Variants in LPP observed in about 807,000 individuals in gnomAD.
The protein encoded by LPP is LIM domain containing preferred translocation partner in lipoma.
A neutral mutation model predicts 60.4 loss-of-function variants in LPP; 38 were observed. That is an observed-to-expected ratio of 0.63 (90% CI 0.49 to 0.83). The LOEUF (loss-of-function observed/expected upper bound fraction) is 0.83, where lower values mean the gene tolerates loss of function less well. Ranked by LOEUF, LPP falls within the 40% of genes least tolerant of loss-of-function variation. The pLI is 0.00. For synonymous variants in LPP, 328 were observed against 290.8 expected, an observed-to-expected ratio of 1.13 and a Z score of -1.30; for missense variants, 902 against 783.6, an observed-to-expected ratio of 1.15 and a Z score of -1.80.
At chr3:188,353,713 A>T (rs1766642140) in intron 3 of LPP, among the ~76,000 whole-genome samples, 1 of 152,196 alleles carries the variant, frequency 6.6e-6, no homozygotes, top group African/African-American at 2.4e-5. Flanking sequence ...TTGGGAAAAG[A>T]ATTATGGGGC....
At chr3:188,173,032 T>C (rs1208714104) in intron 1 of LPP, among the ~76,000 whole-genome samples, 2 of 152,180 alleles carry the variant, frequency 1.3e-5, no homozygotes, top group South Asian at 4.1e-4. Flanking sequence ...CACACCCAGA[T>C]AAATTTTTGT....
At chr3:188,318,556 A>G (rs1206590362) in intron 2 of LPP, among the ~76,000 whole-genome samples, 1 of 152,054 alleles carries the variant, frequency 6.6e-6, no homozygotes, top group Non-Finnish European at 1.5e-5. Flanking sequence ...CTCGGCTCAT[A>G]TAATTTCAGC....
chr3:188,633,190 G>A (rs1848151531), intron 7 of LPP, among the ~76,000 whole-genome samples: 2 of 152,144 alleles, frequency 1.3e-5, no homozygotes, highest in South Asian at 4.1e-4. Flanking sequence ...TGAGAACAGG[G>A]AACTGTGTAG....
chr3:188,264,675 G>A (rs2089079258), intron 2 of LPP, among the ~76,000 whole-genome samples: 1 of 152,086 alleles, frequency 6.6e-6, no homozygotes, highest in Non-Finnish European at 1.5e-5. Context: ...GTGAGGGCCT[G>A]CCAAAGCTGA....
intron 2 of LPP, among the ~76,000 whole-genome samples, chr3:188,245,544 T>C (rs2149504945): frequency 6.6e-6 from 1 of 152,286 alleles, no homozygotes; most frequent in East Asian, 1.9e-4. Context: ...CCTTTTGCCT[T>C]TTCACCTCCT....
intron 10 of LPP, among the ~76,000 whole-genome samples, chr3:188,868,850 C>T (rs576850042): frequency 6.6e-6 from 1 of 152,284 alleles, no homozygotes; most frequent in East Asian, 1.9e-4. Flanking sequence ...CCAATTGTTG[C>T]ATTAAATGCT....
At chr3:188,358,338 G>T (rs1768218857) in intron 3 of LPP, among the ~76,000 whole-genome samples, 1 of 152,178 alleles carries the variant, frequency 6.6e-6, no homozygotes, top group Non-Finnish European at 1.5e-5. Flanking sequence ...AATTATAACT[G>T]CCTGTTCTAC....
At chr3:188,703,845 TA>T (rs980979651) in intron 7 of LPP, among the ~76,000 whole-genome samples, 9 of 152,206 alleles carry the variant, frequency 5.9e-5, no homozygotes, top group South Asian at 2.1e-4. Flanking sequence ...ATGTAAGTGC[TA>T]GGGGTAGAAT....
rs1371178264 is a variant in LPP, at chr3:188,248,494, A to ATATATATATATATATATG, written c.-67+22971_-67+22972insTATATATATATATGTATA. 7.1e-4 allele frequency among the ~76,000 whole-genome samples: 99 copies of ATATATATATATATATATG among 139,808 alleles called. 1 individual carries two copies. Among genetic ancestry groups the ATATATATATATATATATG allele is most frequent in the Middle Eastern group, 3.7e-3 (1 of 270 alleles). 91.7% of individuals were successfully genotyped at this position (139,808 alleles called of 152,430 possible). ...TATATATATATATATATATATATAT[A>ATATATATATATATATATG]TATACAGTCAGCAGAGCTTGTTTTG... On this transcript the variant is annotated intron_variant, in intron 2 of 11. Transcript: ENST00000617246.
chr3:188,779,641 TG>T (rs1172507794), intron 9 of LPP, among the ~76,000 whole-genome samples: 2 of 151,770 alleles, frequency 1.3e-5, no homozygotes, highest in Non-Finnish European at 2.9e-5. Context: ...GCAAAAAAAA[TG>T]GATGCCATTT....
intron 3 of LPP, among the ~76,000 whole-genome samples, chr3:188,383,232 T>G (rs968718713): frequency 6.6e-6 from 1 of 152,350 alleles, no homozygotes; most frequent in East Asian, 1.9e-4. Flanking sequence ...TGAAATTTGC[T>G]TCTCTTTTTT....
At chr3:188,866,797 C>G (rs1766731737) in intron 10 of LPP, among the ~76,000 whole-genome samples, 1 of 152,076 alleles carries the variant, frequency 6.6e-6, no homozygotes, top group South Asian at 2.1e-4. Context: ...CTGTGATGAC[C>G]CAGAGTTTTC....
At chr3:188,799,345 C>T (rs1746310355) in intron 9 of LPP, among the ~76,000 whole-genome samples, 1 of 152,204 alleles carries the variant, frequency 6.6e-6, no homozygotes, top group African/African-American at 2.4e-5. Context: ...TACAAAACCA[C>T]TTAAGATTTA....
intron 4 of LPP, among the ~76,000 whole-genome samples, chr3:188,416,030 C>A (rs193036032): frequency 1.3e-5 from 2 of 151,978 alleles, no homozygotes; most frequent in East Asian, 3.9e-4. Flanking sequence ...ATGAGCATTA[C>A]CATTTAGGGA....
At chr3:188,312,378 A>T (rs538618682) in intron 2 of LPP, among the ~76,000 whole-genome samples, 1 of 152,340 alleles carries the variant, frequency 6.6e-6, no homozygotes, top group South Asian at 2.1e-4. Flanking sequence ...TACAGTTAAG[A>T]AAATTAACTT....
At chr3:188,589,547 G>A (rs1838215514) in intron 6 of LPP, among the ~76,000 whole-genome samples, 1 of 152,102 alleles carries the variant, frequency 6.6e-6, no homozygotes, top group Non-Finnish European at 1.5e-5. Flanking sequence ...CCCAATAGAT[G>A]TATTTTGAAA....
At chr3:188,602,661 G>A (rs1841603674) in intron 6 of LPP, among the ~76,000 whole-genome samples, 1 of 150,376 alleles carries the variant, frequency 6.6e-6, no homozygotes, top group African/African-American at 2.5e-5. Flanking sequence ...CGACCCCAGT[G>A]AAGCTCTTTT....
intron 2 of LPP, among the ~76,000 whole-genome samples, chr3:188,285,080 G>A (rs915822269): frequency 6.6e-6 from 1 of 151,924 alleles, no homozygotes; most frequent in Admixed American, 6.6e-5. Context: ...TGTGAGTCCC[G>A]GCCCTGCTTT....
intron 9 of LPP, among the ~76,000 whole-genome samples, chr3:188,820,065 T>C (rs1753550232): frequency 6.6e-6 from 1 of 152,240 alleles, no homozygotes; most frequent in African/African-American, 2.4e-5. Flanking sequence ...GACTCTGGAC[T>C]TATTTTCACT....
Sources: allele counts gnomAD v4.1 joint callset (sites outside exome capture counted in the v4.1 genomes callset), GRCh38; gene constraint gnomAD v4.1.1; transcripts MANE v1.5; gene names NCBI Gene and HGNC (gene_info 2026-07-23, HGNC 2026-07-21).